Variants in ATP2B1 observed in about 807,000 individuals in gnomAD.
The protein encoded by ATP2B1 is plasma membrane calcium-transporting ATPase 1.
ATP2B1 carries 14 observed loss-of-function variants against 124.2 expected under a neutral mutation model. The observed-to-expected ratio is 0.11, with a 90% confidence interval of 0.07 to 0.18. ATP2B1 has a LOEUF of 0.18. ATP2B1 is among the 10% of genes least tolerant of loss of function. ATP2B1 has a pLI of 1.00. For missense variants in ATP2B1, 763 were observed against 1,466.1 expected, an observed-to-expected ratio of 0.52 and a Z score of 7.83; for synonymous variants, 449 against 492.4, an observed-to-expected ratio of 0.91 and a Z score of 1.17.
intron 6 of ATP2B1, 133 bp from the exon 7 acceptor site, chr12:89,627,849 T>G: frequency 2.0e-6 from 2 of 996,664 alleles, no homozygotes; most frequent in Non-Finnish European, 3.0e-6. Context: ...TAGAAAACAT[T>G]TGACTTGTGA....
At chr12:89,610,539 CCAAA>C (rs766142198) in intron 13 of ATP2B1, 31 bp from the exon 14 acceptor site, 21 of 1,548,756 alleles carry the variant, frequency 1.4e-5, no homozygotes, top group South Asian at 5.6e-5. Flanking sequence ...TAAAATATGC[CCAAA>C]CATAGTTTCT....
intron 20 of ATP2B1, 23 bp downstream of exon 20, chr12:89,599,094 C>G (rs1188069405): frequency 6.2e-7 from 1 of 1,608,450 alleles, no homozygotes; most frequent in African/African-American, 1.3e-5. Context: ...ATCATCTCTC[C>G]TACCTCTCTA....
intron 11 of ATP2B1, among the ~76,000 whole-genome samples, chr12:89,618,128 C>A (rs563920545): frequency 6.6e-6 from 1 of 152,100 alleles, no homozygotes; most frequent in Admixed American, 6.5e-5. Flanking sequence ...TTCCCTGATG[C>A]AAGAATTATC....
At chr12:89,672,385 G>C (rs1888103590) in intron 1 of ATP2B1, among the ~76,000 whole-genome samples, 1 of 152,058 alleles carries the variant, frequency 6.6e-6, no homozygotes, top group South Asian at 2.1e-4. Context: ...ATCTGGGAGG[G>C]AGAGGCTGCA....
intron 1 of ATP2B1, among the ~76,000 whole-genome samples, chr12:89,661,794 T>C (rs1469107149): frequency 1.3e-5 from 2 of 152,188 alleles, no homozygotes; most frequent in African/African-American, 4.8e-5. Flanking sequence ...TCCACTTCCT[T>C]TGCACACAGA....
chr12:89,666,847 C>T (rs940268921), intron 1 of ATP2B1, among the ~76,000 whole-genome samples: 2 of 152,150 alleles, frequency 1.3e-5, no homozygotes, highest in Admixed American at 6.6e-5. Flanking sequence ...CAAGACCTTG[C>T]TTCCTTGATT....
Position 89,626,641 on chromosome 12 carries a change from C to T in ATP2B1, c.968-26G>A, listed in dbSNP as rs753971213. 1.2e-5 allele frequency: 18 copies of T among 1,563,194 alleles called. No homozygotes were observed. In the South Asian group the frequency reaches 2.1e-4, roughly 18 times the overall value. On this transcript the variant is annotated intron_variant, in intron 7 of 20. Transcript: ENST00000428670. ...CTACATTTAAGAGCAAATAGAACTT[C>T]ACTATACTTTAAAGGCACATATCAC...
chr12:89,588,380 C>CA lies in ATP2B1; in HGVS notation c.*2603dup, dbSNP rs1480056558. ...GTGCAAGTAAGTCTATTTACAACCA[C>CA]AAAAAAGGCAATGATGAGGAGAAAA... On this transcript the variant is annotated 3_prime_UTR_variant, in exon 21 of 21. Coordinates refer to ENST00000428670, the MANE Select transcript of ATP2B1 (RefSeq NM_001366521.1). The CA allele has an allele frequency of 4.6e-5, 7 of 151,980 alleles. No individual in the cohort carries two copies. In the East Asian group the frequency reaches 1.2e-3, roughly 25 times the overall value. The allele number at this position is 151,980 out of a possible 1,614,324, so 9.4% of individuals were successfully genotyped here.
At chr12:89,619,749 A>G (rs1565826732) in intron 11 of ATP2B1, among the ~76,000 whole-genome samples, 2 of 152,202 alleles carry the variant, frequency 1.3e-5, no homozygotes, top group African/African-American at 2.4e-5. Flanking sequence ...ATACTTCATT[A>G]AACATACCAG....
At chr12:89,631,693 T>C (rs74779708) in intron 5 of ATP2B1, among the ~76,000 whole-genome samples, 2,342 of 152,278 alleles carry the variant, frequency 0.015, 97 homozygotes, top group East Asian at 0.13. Flanking sequence ...AAAATTTCAT[T>C]ACAGAAAACT....
Position 89,624,435 on chromosome 12 carries a change from A to G in ATP2B1, c.1130-38T>C, listed in dbSNP as rs758811412. On this transcript the variant is annotated intron_variant, in intron 8 of 20. Coordinates refer to ENST00000428670, the MANE Select transcript of ATP2B1 (RefSeq NM_001366521.1). ...AAATGAAAGAAAAATGTGATTATTA[A>G]ATTTCCAGACACTAACCCTTGCCAG... is the stretch of plus-strand genomic sequence containing the variant. The G allele has an allele frequency of 3.2e-6, 5 of 1,538,818 alleles. No homozygotes were observed. In the East Asian group the frequency reaches 9.1e-5, roughly 28 times the overall value.
At chr12:89,686,559 A>G (rs1455244206) in intron 1 of ATP2B1, among the ~76,000 whole-genome samples, 1 of 152,120 alleles carries the variant, frequency 6.6e-6, no homozygotes, top group Non-Finnish European at 1.5e-5. Context: ...AGGAAATTTT[A>G]GCAAAATTTG....
chr12:89,648,685 G>C (rs543873821), intron 2 of ATP2B1, among the ~76,000 whole-genome samples: 1 of 152,380 alleles, frequency 6.6e-6, no homozygotes, highest in East Asian at 1.9e-4. Flanking sequence ...ATGACTAAAA[G>C]AGAGCTGAGT....
chr12:89,677,967 TATATACACACACAC>T lies in ATP2B1; in HGVS notation c.-221-21874_-221-21861del, dbSNP rs1420468306. 1.6e-3 allele frequency among the ~76,000 whole-genome samples: 87 copies of T among 54,534 alleles called. 7 individuals are homozygous for T. Among genetic ancestry groups the T allele is most frequent in the South Asian group, 0.015 (26 of 1,754 alleles). The allele number at this position is 54,534 out of a possible 152,430, so 35.8% of individuals were successfully genotyped here. On this transcript the variant is annotated intron_variant, in intron 1 of 20. Coordinates refer to ENST00000428670, the MANE Select transcript of ATP2B1 (RefSeq NM_001366521.1). ...GGCATGCAGGAATTATATATATATA[TATATACACACACAC>T]ACACACACACACACACACACACACA...
intron 1 of ATP2B1, among the ~76,000 whole-genome samples, chr12:89,707,045 C>T (rs568625708): frequency 1.7e-3 from 266 of 152,144 alleles, no homozygotes; most frequent in Middle Eastern, 0.014. Flanking sequence ...CTATTTACTT[C>T]AAATTTGAAC....
chr12:89,702,994 A>T (rs193005796), intron 1 of ATP2B1, among the ~76,000 whole-genome samples: 1 of 152,336 alleles, frequency 6.6e-6, no homozygotes, highest in East Asian at 1.9e-4. Context: ...ATTAATTTAG[A>T]TTACCATAAG....
Position 89,610,466 on chromosome 12 carries a change from C to G in ATP2B1, c.2290G>C (p.Val764Leu). 6.2e-7 allele frequency: 1 copy of G among 1,613,800 alleles called. No homozygotes were observed. The highest frequency in any genetic ancestry group is 8.5e-7 in the Non-Finnish European group (1 of 1,179,762). The change falls in exon 14 of 21, where the codon GTA becomes CTA. Residue 764 changes from valine to leucine, a missense_variant. By Grantham distance (32) the Val-to-Leu change is conservative. Around this residue, in one of 7 missense-constraint regions of ATP2B1, gnomAD observed 51 missense variants for 192.8 expected, o/e 0.26. Coordinates refer to ENST00000428670, the MANE Select transcript of ATP2B1 (RefSeq NM_001366521.1). ...TCAGTAGGAGATGATCTTGCAAGTA[C>G]TCGAAGTTTTGGCCAAATCTTGTCT... Reference protein sequence around the residue: ...RIDKIWPKLRVLARSSPTDKH... With the variant: ...RIDKIWPKLRLLARSSPTDKH...
chr12:89,647,749 T>C (rs903784994), intron 2 of ATP2B1, among the ~76,000 whole-genome samples: 13 of 152,290 alleles, frequency 8.5e-5, no homozygotes, highest in African/African-American at 3.1e-4. Context: ...ATTACAAATG[T>C]TGGAGGTGGG....
chr12:89,670,940 G>A (rs1887886522), intron 1 of ATP2B1, among the ~76,000 whole-genome samples: 1 of 122,654 alleles, frequency 8.2e-6, no homozygotes, highest in Non-Finnish European at 1.7e-5. Context: ...TAACAGTTCA[G>A]GCCTTATACA....
Sources: gnomAD v4.1 joint callset for allele counts (sites outside exome capture counted in the v4.1 genomes callset) on GRCh38, gnomAD v4.1.1 for gene constraint, gnomAD v4.1.1 regional missense constraint, MANE v1.5 for transcripts, NCBI Gene and HGNC (gene_info 2026-07-23, HGNC 2026-07-21) for gene names.